PARD3: variants seen among roughly 807,000 people sequenced by gnomAD.
PARD3 encodes par-3 family cell polarity regulator.
In PARD3, 75 loss-of-function variants were observed where a neutral mutation model predicts 155.4. That is an observed-to-expected ratio of 0.48 (90% CI 0.40 to 0.58). The LOEUF (loss-of-function observed/expected upper bound fraction) is 0.58. Ranked by LOEUF, PARD3 falls within the 20% of genes least tolerant of loss-of-function variation. PARD3 has a pLI of 0.00. For missense variants in PARD3, 1,642 were observed against 1,721.7 expected (o/e 0.95, Z 0.82); for synonymous variants, 576 against 610.5 (o/e 0.94, Z 0.83).
At chr10:34,543,207 G>A (rs1194402278) in intron 2 of PARD3, among the ~76,000 whole-genome samples, 2 of 151,948 alleles carry the variant, frequency 1.3e-5, no homozygotes, top group East Asian at 1.9e-4. Flanking sequence ...GAAGGTTGAG[G>A]CTACCATGAG....
rs1015965484 is a variant in PARD3, at chr10:34,550,837, T to G, written c.223-33678A>C. Among the ~76,000 whole-genome samples, 3 of 152,200 alleles carry G rather than the reference T, an allele frequency of 2.0e-5. No homozygotes were observed. In the South Asian group the frequency reaches 6.2e-4, roughly 32 times the overall value. ...GTTTTTCATTATTTTAATAATCTAC[T>G]CATTTTTCACCTATGCATTATTTTA... On this transcript the variant is annotated intron_variant, in intron 2 of 24. Transcript: ENST00000374788.
intron 2 of PARD3, among the ~76,000 whole-genome samples, chr10:34,666,777 TAAAA>T (rs771593408): frequency 0.056 from 961 of 17,132 alleles, 74 homozygotes; most frequent in African/African-American, 0.13. Flanking sequence ...CCCCTCCCCC[TAAAA>T]AAAAAAAAAA....
At chr10:34,263,575 C>T (rs937905260) in intron 22 of PARD3, among the ~76,000 whole-genome samples, 5 of 152,148 alleles carry the variant, frequency 3.3e-5, no homozygotes, top group Admixed American at 6.5e-5. Flanking sequence ...GGGAGGATTG[C>T]TTAAGCCCAG....
At chr10:34,621,945 AAG>A (rs2091704957) in intron 2 of PARD3, among the ~76,000 whole-genome samples, 1 of 152,232 alleles carries the variant, frequency 6.6e-6, no homozygotes, top group Non-Finnish European at 1.5e-5. Context: ...GTTGAAGAAA[AAG>A]AGTTATCAAT....
intron 2 of PARD3, among the ~76,000 whole-genome samples, chr10:34,546,136 TA>T (rs2084029377): frequency 6.6e-6 from 1 of 152,198 alleles, no homozygotes; most frequent in Non-Finnish European, 1.5e-5. Flanking sequence ...TACCAACATA[TA>T]GTAACTATTA....
intron 22 of PARD3, among the ~76,000 whole-genome samples, chr10:34,242,172 C>T (rs530871930): frequency 3.9e-5 from 6 of 152,112 alleles, no homozygotes; most frequent in South Asian, 4.1e-4. Context: ...ATAATCATAG[C>T]GGAACATAAC....
At chr10:34,586,078 A>G (rs1293675798) in intron 2 of PARD3, among the ~76,000 whole-genome samples, 1 of 152,234 alleles carries the variant, frequency 6.6e-6, no homozygotes, top group East Asian at 1.9e-4. Flanking sequence ...CCATGAGAAA[A>G]AAAAAAGTAA....
chr10:34,116,853 T>C (rs1302873981), intron 24 of PARD3, among the ~76,000 whole-genome samples: 1 of 152,204 alleles, frequency 6.6e-6, no homozygotes, highest in Non-Finnish European at 1.5e-5. Flanking sequence ...CGGTAGCGGC[T>C]GCAACCCTCC....
chr10:34,753,694 T>A (rs1836342158), intron 1 of PARD3, among the ~76,000 whole-genome samples: 2 of 152,228 alleles, frequency 1.3e-5, no homozygotes, highest in South Asian at 4.1e-4. Context: ...TGCATATGTT[T>A]GATTAATAAA....
At position 34,378,097 on chromosome 10, in the gene PARD3, C is replaced by T. The variant is rs1229614801; in HGVS notation, c.1409G>A (p.Gly470Asp). ...LNIQLKKGTE[G>D]LGFSITSRDV... is the part of the protein sequence containing the mutation. ...TCTGGAAGTGATGCTGAATCCCAAA[C>T]CTTCTGTACCTAGGTATGTGAAGGA... Residue 470 changes from glycine to aspartate, a missense_variant, in exon 10 of 25, where the codon GGT becomes GAT. Gly to Asp is a moderately conservative substitution (Grantham distance 94). Transcript: ENST00000374788. 6.3e-7 allele frequency: 1 copy of T among 1,588,344 alleles called. No individual in the cohort carries two copies. Among genetic ancestry groups the T allele is most frequent in the Non-Finnish European group, 8.5e-7 (1 of 1,169,914 alleles).
At chr10:34,286,752 G>A (rs1956414699) in intron 20 of PARD3, among the ~76,000 whole-genome samples, 1 of 152,226 alleles carries the variant, frequency 6.6e-6, no homozygotes, top group Non-Finnish European at 1.5e-5. Flanking sequence ...CAGAGGAGCA[G>A]CACTGGTGAC....
At chr10:34,195,649 C>T (rs910417484) in intron 22 of PARD3, among the ~76,000 whole-genome samples, 1 of 152,164 alleles carries the variant, frequency 6.6e-6, no homozygotes, top group Non-Finnish European at 1.5e-5. Flanking sequence ...GAATATAAGG[C>T]ATCACATGTT....
At chr10:34,563,722 G>A (rs1000078004) in intron 2 of PARD3, among the ~76,000 whole-genome samples, 6 of 152,054 alleles carry the variant, frequency 3.9e-5, no homozygotes, top group Non-Finnish European at 7.4e-5. Flanking sequence ...GTAGAGATGA[G>A]GTTTCACCAT....
At chr10:34,686,044 T>A (rs2133382489) in intron 2 of PARD3, among the ~76,000 whole-genome samples, 1 of 152,336 alleles carries the variant, frequency 6.6e-6, no homozygotes, top group East Asian at 1.9e-4. Context: ...TGTTTAGTAA[T>A]AACTAAAATA....
intron 2 of PARD3, among the ~76,000 whole-genome samples, chr10:34,604,445 C>T (rs972080623): frequency 6.6e-6 from 1 of 152,158 alleles, no homozygotes; most frequent in Middle Eastern, 3.4e-3. Flanking sequence ...GCTTCCTCCC[C>T]TCAAATATCA....
chr10:34,399,242 C>T (rs1407599807), intron 7 of PARD3, 88 bp downstream of exon 7: 1 of 851,750 alleles, frequency 1.2e-6, no homozygotes, highest in Non-Finnish European at 2.0e-6. Flanking sequence ...TAAGCATATG[C>T]TAAGTCAACA....
chr10:34,806,501 A>T (rs1843405779), intron 1 of PARD3, among the ~76,000 whole-genome samples: 1 of 151,640 alleles, frequency 6.6e-6, no homozygotes, highest in African/African-American at 2.4e-5. Context: ...TGCCTGGCTA[A>T]TTTTTTTAAA....
At chr10:34,542,649 G>A (rs1352344439) in intron 2 of PARD3, among the ~76,000 whole-genome samples, 1 of 152,124 alleles carries the variant, frequency 6.6e-6, no homozygotes, top group Non-Finnish European at 1.5e-5. Flanking sequence ...TATTTACAAA[G>A]TAAGTGTAAC....
intron 2 of PARD3, among the ~76,000 whole-genome samples, chr10:34,596,175 G>A (rs2134419408): frequency 6.6e-6 from 1 of 152,022 alleles, no homozygotes; most frequent in South Asian, 2.1e-4. Flanking sequence ...CAGCATGCCT[G>A]TGGAAATAAC....
Sources: gnomAD v4.1 joint callset for allele counts (sites outside exome capture counted in the v4.1 genomes callset) on GRCh38, gnomAD v4.1.1 for gene constraint, MANE v1.5 for transcripts, NCBI Gene and HGNC (gene_info 2026-07-23, HGNC 2026-07-21) for gene names.